ABTB3: variants seen among roughly 807,000 people sequenced by gnomAD.
ABTB3 encodes ankyrin repeat and BTB domain containing 3, also known as ankyrin repeat- and BTB/POZ domain-containing protein 3.
At chr12:107,617,772 A>C in the ABTB3 span, 1 of 362,412 alleles carries the variant, frequency 2.8e-6, no homozygotes, top group Non-Finnish European at 5.0e-6. Flanking sequence ...AACCTTTCAT[A>C]TTTGGTGACT....
chr12:107,529,893 G>T, the ABTB3 span, among the ~76,000 whole-genome samples: 7 of 152,172 alleles, frequency 4.6e-5, no homozygotes, highest in Non-Finnish European at 1.0e-4. Flanking sequence ...GAAAGTAGAT[G>T]TGTGGATAAT....
At chr12:107,593,940 C>CA in the ABTB3 span, among the ~76,000 whole-genome samples, 4 of 152,190 alleles carry the variant, frequency 2.6e-5, no homozygotes, top group Non-Finnish European at 5.9e-5. Context: ...GTCATATGCC[C>CA]ATACATAGCT....
At chr12:107,422,471 A>G in the ABTB3 span, among the ~76,000 whole-genome samples, 1 of 152,216 alleles carries the variant, frequency 6.6e-6, no homozygotes, top group Non-Finnish European at 1.5e-5. Context: ...TAGGCTTTAA[A>G]GGAATAATTC....
chr12:107,388,817 T>C, the ABTB3 span, among the ~76,000 whole-genome samples: 1 of 152,232 alleles, frequency 6.6e-6, no homozygotes, highest in Non-Finnish European at 1.5e-5. Context: ...TAGGAAATGC[T>C]CAAAGACGAA....
the ABTB3 span, among the ~76,000 whole-genome samples, chr12:107,509,058 G>A: frequency 6.6e-6 from 1 of 152,174 alleles, no homozygotes; most frequent in Non-Finnish European, 1.5e-5. Flanking sequence ...GGGGACTGAA[G>A]CAGGTGTTCA....
the ABTB3 span, among the ~76,000 whole-genome samples, chr12:107,381,122 G>T: frequency 6.6e-6 from 1 of 151,498 alleles, no homozygotes; most frequent in Non-Finnish European, 1.5e-5. Context: ...CCTCTATTCT[G>T]CCTTTGTCTT....
the ABTB3 span, among the ~76,000 whole-genome samples, chr12:107,364,373 C>T: frequency 6.6e-6 from 1 of 151,916 alleles, no homozygotes; most frequent in Non-Finnish European, 1.5e-5. Flanking sequence ...ACTGCAACCT[C>T]TGCCTCCCGG....
At chr12:107,544,847 T>C in the ABTB3 span, among the ~76,000 whole-genome samples, 1 of 152,228 alleles carries the variant, frequency 6.6e-6, no homozygotes, top group Non-Finnish European at 1.5e-5. Context: ...TAGGTTCAAA[T>C]CCAGGCTTTT....
the ABTB3 span, chr12:107,319,963 C>G: frequency 1.3e-6 from 2 of 1,580,816 alleles, no homozygotes; most frequent in Non-Finnish European, 1.7e-6. Context: ...ATGCGCTCCA[C>G]GAGGCGCCCA....
At chr12:107,574,285 C>G in the ABTB3 span, among the ~76,000 whole-genome samples, 34 of 152,310 alleles carry the variant, frequency 2.2e-4, no homozygotes, top group African/African-American at 7.2e-4. Flanking sequence ...GACCTGTGAC[C>G]CCTTTTCCTC....
the ABTB3 span, among the ~76,000 whole-genome samples, chr12:107,389,392 A>G: frequency 6.6e-6 from 1 of 152,184 alleles, no homozygotes; most frequent in African/African-American, 2.4e-5. Flanking sequence ...AAACTGAGGT[A>G]TAAGCCGCAA....
the ABTB3 span, among the ~76,000 whole-genome samples, chr12:107,404,162 CAAAAAAAAAAAA>C: frequency 3.9e-3 from 157 of 40,268 alleles, 1 homozygote; most frequent in African/African-American, 0.016. Context: ...GACTCTAACT[CAAAAAAAAAAAA>C]AAAAAAAAAA....
the ABTB3 span, among the ~76,000 whole-genome samples, chr12:107,526,263 C>T: frequency 1.3e-5 from 2 of 152,128 alleles, no homozygotes; most frequent in African/African-American, 4.8e-5. Context: ...TAAGCTAAAT[C>T]AAGAGGCCAC....
chr12:107,458,560 C>T, the ABTB3 span, among the ~76,000 whole-genome samples: 1 of 152,156 alleles, frequency 6.6e-6, no homozygotes, highest in Non-Finnish European at 1.5e-5. Context: ...TAGAGTATTA[C>T]ACCTGGAAGG....
chr12:107,532,133 A>G, the ABTB3 span, among the ~76,000 whole-genome samples: 1 of 152,226 alleles, frequency 6.6e-6, no homozygotes, highest in Non-Finnish European at 1.5e-5. Flanking sequence ...CAAGACCACC[A>G]GCATCAGTAC....
chr12:107,577,203 A>G, the ABTB3 span, among the ~76,000 whole-genome samples: 1 of 152,158 alleles, frequency 6.6e-6, no homozygotes. Flanking sequence ...AAAGCCTAAC[A>G]TACTTACTAG....
At chr12:107,480,734 T>C in the ABTB3 span, among the ~76,000 whole-genome samples, 2 of 152,176 alleles carry the variant, frequency 1.3e-5, no homozygotes, top group Admixed American at 1.3e-4. Context: ...CCTGTGAGCA[T>C]GTGCACAAAT....
chr12:107,417,346 T>C, the ABTB3 span, among the ~76,000 whole-genome samples: 1 of 152,242 alleles, frequency 6.6e-6, no homozygotes, highest in African/African-American at 2.4e-5. Flanking sequence ...CTTCCTCACC[T>C]CTTCCAGCTT....
the ABTB3 span, among the ~76,000 whole-genome samples, chr12:107,559,063 C>T: frequency 3.3e-5 from 5 of 152,220 alleles, no homozygotes; most frequent in Non-Finnish European, 7.3e-5. Context: ...TTCTGACAGC[C>T]AGACAAGGCC....
Sources: gnomAD v4.1 joint callset for allele counts (sites outside exome capture counted in the v4.1 genomes callset) on GRCh38, gnomAD v4.1.1 for gene constraint, MANE v1.5 for transcripts, NCBI Gene and HGNC (gene_info 2026-07-23, HGNC 2026-07-21) for gene names.